The following PAG1 variants were observed in gnomAD, a reference collection of about 807,000 sequenced individuals.
The protein encoded by PAG1 is phosphoprotein membrane anchor with glycosphingolipid microdomains 1, also known as phosphoprotein associated with glycosphingolipid-enriched microdomains 1.
PAG1 carries 23 observed loss-of-function variants against 31.7 expected under a neutral mutation model. That is an observed-to-expected ratio of 0.73 (90% CI 0.52 to 1.03). The LOEUF is 1.03. Among genes scored for constraint, PAG1 ranks in the 50% least tolerant of loss-of-function variants. The pLI, the probability that PAG1 is intolerant of heterozygous loss-of-function variation, is 0.00. For synonymous variants in PAG1, 214 were observed against 210.3 expected (o/e 1.02, Z -0.15); for missense variants, 473 against 540.7 (o/e 0.87, Z 1.24).
chr8:81,054,932 C>T (rs994882387), intron 2 of PAG1, among the ~76,000 whole-genome samples: 5 of 152,046 alleles, frequency 3.3e-5, no homozygotes, highest in African/African-American at 1.2e-4. Flanking sequence ...TATCACTGCC[C>T]TTGGTGGGTA....
At chr8:80,991,332 T>A (rs1200042644) in intron 5 of PAG1, 147 bp downstream of exon 5, 1 of 680,412 alleles carries the variant, frequency 1.5e-6, no homozygotes, top group African/African-American at 1.8e-5. Context: ...CACTACTGCA[T>A]CCATTTCAGA....
chr8:81,094,966 C>A (rs572039115), intron 1 of PAG1, among the ~76,000 whole-genome samples: 7 of 152,164 alleles, frequency 4.6e-5, no homozygotes, highest in Admixed American at 1.3e-4. Context: ...AGGAAAAATA[C>A]GTTTTTCTTA....
intron 1 of PAG1, among the ~76,000 whole-genome samples, chr8:81,101,642 A>T (rs1430498881): frequency 6.6e-6 from 1 of 152,196 alleles, no homozygotes; most frequent in Non-Finnish European, 1.5e-5. Context: ...CTGTGCGCCT[A>T]CTGATAAACA....
At chr8:81,074,511 G>T (rs1428034318) in intron 1 of PAG1, among the ~76,000 whole-genome samples, 2 of 152,296 alleles carry the variant, frequency 1.3e-5, no homozygotes, top group South Asian at 4.2e-4. Context: ...AGGCACAGGG[G>T]ATAGAAGACA....
At chr8:81,056,063 T>C (rs2130900619) in intron 2 of PAG1, among the ~76,000 whole-genome samples, 1 of 152,340 alleles carries the variant, frequency 6.6e-6, no homozygotes, top group African/African-American at 2.4e-5. Context: ...CTTCTAGTTT[T>C]TGCCCATTCA....
intron 2 of PAG1, among the ~76,000 whole-genome samples, chr8:81,047,804 G>A (rs183873817): frequency 3.9e-5 from 6 of 152,268 alleles, no homozygotes; most frequent in South Asian, 4.1e-4. Context: ...CTTTGCTATC[G>A]AAATCTGATG....
intron 1 of PAG1, among the ~76,000 whole-genome samples, chr8:81,078,765 C>T (rs575085092): frequency 1.3e-5 from 2 of 152,208 alleles, no homozygotes; most frequent in African/African-American, 2.4e-5. Flanking sequence ...GCTGTTTACA[C>T]GATGAGGTAA....
chr8:81,008,545 CAT>C (rs1372374791), intron 3 of PAG1, among the ~76,000 whole-genome samples: 8 of 148,192 alleles, frequency 5.4e-5, no homozygotes, highest in Admixed American at 1.4e-4. Context: ...TATAATACTA[CAT>C]ATTATATACT....
In PAG1 at chr8:80,970,693, A is replaced by G. The variant is rs535648206; in HGVS notation, c.*5851T>C. The stretch of plus-strand genomic sequence containing the variant: ...GCTTTTCCATGGCCCCTTAGTGTCA[A>G]CCATTCTTACGAAAGATGTGAGCAA... On this transcript the variant is annotated 3_prime_UTR_variant, in exon 9 of 9. Transcript: ENST00000220597. The G allele has an allele frequency of 1.3e-5, 2 of 153,014 alleles. No homozygotes were observed. Among genetic ancestry groups the G allele is most frequent in the Admixed American group, 1.3e-4 (2 of 15,302 alleles). 9.5% of individuals were successfully genotyped at this position (153,014 alleles called of 1,614,324 possible).
intron 1 of PAG1, among the ~76,000 whole-genome samples, chr8:81,080,424 A>C (rs1037260228): frequency 5.9e-5 from 9 of 152,170 alleles, no homozygotes; most frequent in African/African-American, 2.2e-4. Context: ...AAAACATAAA[A>C]GCCATGATTT....
At chr8:81,104,927 C>T (rs1036510224) in intron 1 of PAG1, among the ~76,000 whole-genome samples, 1 of 152,148 alleles carries the variant, frequency 6.6e-6, no homozygotes, top group African/African-American at 2.4e-5. Flanking sequence ...TGGCTCCAGC[C>T]TCCGCTCTCC....
chr8:81,039,011 T>C lies in PAG1; in HGVS notation c.-174-8922A>G, dbSNP rs16919626. Reference sequence around the variant, plus strand: ...ACCCTAACAAGAGTTTTGCAATAGTTAAGTGCCCAGTAAATGTTAGCTACA... The same window carrying C: ...ACCCTAACAAGAGTTTTGCAATAGTCAAGTGCCCAGTAAATGTTAGCTACA... On this transcript the variant is annotated intron_variant, in intron 2 of 8. Coordinates refer to ENST00000220597, the MANE Select transcript of PAG1 (RefSeq NM_018440.4). Among the ~76,000 whole-genome samples, 1,111 of 152,240 alleles carry C rather than the reference T, an allele frequency of 7.3e-3. 12 individuals are homozygous for C. Among genetic ancestry groups the C allele is most frequent in the African/African-American group, 0.025 (1,046 of 41,534 alleles).
chr8:81,036,293 G>C (rs10111907), intron 2 of PAG1, among the ~76,000 whole-genome samples: 16,688 of 152,080 alleles, frequency 0.11, 1,025 homozygotes, highest in African/African-American at 0.16. Context: ...GTGCTCTCTG[G>C]ATATGCCTAC....
intron 3 of PAG1, among the ~76,000 whole-genome samples, chr8:81,023,547 T>C (rs1808223396): frequency 6.6e-6 from 1 of 151,966 alleles, no homozygotes; most frequent in Admixed American, 6.6e-5. Context: ...TATATATATA[T>C]TTGTGTTTCA....
intron 7 of PAG1, among the ~76,000 whole-genome samples, chr8:80,981,260 C>T (rs879678112): frequency 2.0e-5 from 3 of 152,064 alleles, no homozygotes; most frequent in South Asian, 4.2e-4. Context: ...CTTCTGTAAC[C>T]CAGTTCCAAT....
intron 1 of PAG1, among the ~76,000 whole-genome samples, chr8:81,087,095 A>C (rs1424493026): frequency 6.6e-6 from 1 of 152,218 alleles, no homozygotes; most frequent in Non-Finnish European, 1.5e-5. Context: ...CGGTAATCCC[A>C]GCACTTTGGG....
At chr8:81,025,208 A>G (rs1373569229) in intron 3 of PAG1, among the ~76,000 whole-genome samples, 2 of 151,824 alleles carry the variant, frequency 1.3e-5, no homozygotes, top group African/African-American at 4.8e-5. Context: ...GTTGACAGAC[A>G]TTTTCACCCA....
At chr8:81,006,511 G>A (rs1807880022) in intron 3 of PAG1, among the ~76,000 whole-genome samples, 1 of 152,168 alleles carries the variant, frequency 6.6e-6, no homozygotes, top group South Asian at 2.1e-4. Flanking sequence ...GTCCCCAGGG[G>A]CAGAGGCAGT....
chr8:81,099,899 C>G (rs1809583980), intron 1 of PAG1, among the ~76,000 whole-genome samples: 1 of 152,182 alleles, frequency 6.6e-6, no homozygotes, highest in Non-Finnish European at 1.5e-5. Flanking sequence ...TGATGAAAAA[C>G]TCATTTCCTA....
Sources: gnomAD v4.1 joint callset for allele counts (sites outside exome capture counted in the v4.1 genomes callset) on GRCh38, gnomAD v4.1.1 for gene constraint, MANE v1.5 for transcripts, NCBI Gene and HGNC (gene_info 2026-07-23, HGNC 2026-07-21) for gene names.